NFIA: variants seen among roughly 807,000 people sequenced by gnomAD.
NFIA encodes the protein nuclear factor 1 A-type.
A neutral mutation model predicts 62.8 loss-of-function variants in NFIA; 8 were observed. The ratio of observed to expected loss-of-function variants is 0.13; its 90% CI spans 0.07 to 0.23. The LOEUF (loss-of-function observed/expected upper bound fraction) is 0.23. NFIA is among the 10% of genes least tolerant of loss of function. The probability of loss-of-function intolerance (pLI) is 1.00; values close to 1 mark genes in which losing one functional copy is unlikely to be tolerated. For synonymous variants in NFIA, 235 were observed against 238.1 expected (o/e 0.99, Z 0.12); for missense variants, 410 against 642.1 (o/e 0.64, Z 3.91).
chr1:61,192,179 C>T (rs1332138116), intron 2 of NFIA, among the ~76,000 whole-genome samples: 2 of 152,014 alleles, frequency 1.3e-5, no homozygotes, highest in Admixed American at 6.6e-5. Flanking sequence ...AGGATGGTTT[C>T]GATCTCCTGA....
intron 10 of NFIA, among the ~76,000 whole-genome samples, chr1:61,452,608 TG>T (rs1164642987): frequency 5.9e-5 from 9 of 152,162 alleles, no homozygotes; most frequent in Non-Finnish European, 1.2e-4. Context: ...GTTGACATGT[TG>T]CTGGTCAGAG....
At chr1:61,332,962 A>C (rs1483236894) in intron 4 of NFIA, among the ~76,000 whole-genome samples, 1 of 151,992 alleles carries the variant, frequency 6.6e-6, no homozygotes, top group African/African-American at 2.4e-5. Flanking sequence ...ACAGTGAATG[A>C]AGAGTACCTG....
intron 2 of NFIA, among the ~76,000 whole-genome samples, chr1:61,234,467 C>T (rs1227305800): frequency 6.6e-6 from 1 of 151,512 alleles, no homozygotes; most frequent in Non-Finnish European, 1.5e-5. Flanking sequence ...TGCGGGTATA[C>T]GTCTGCCTCC....
intron 2 of NFIA, among the ~76,000 whole-genome samples, chr1:61,136,590 A>G (rs1053379393): frequency 2.0e-5 from 3 of 152,244 alleles, no homozygotes; most frequent in African/African-American, 7.2e-5. Context: ...ATGAATTTCA[A>G]TATTGATTTA....
intron 2 of NFIA, among the ~76,000 whole-genome samples, chr1:61,229,872 TATGTC>T (rs1416478924): frequency 1.3e-5 from 2 of 152,154 alleles, no homozygotes; most frequent in African/African-American, 4.8e-5. Flanking sequence ...TAAAATTATC[TATGTC>T]ATGTCAACAG....
intron 2 of NFIA, among the ~76,000 whole-genome samples, chr1:61,195,590 T>G (rs1361981537): frequency 6.6e-6 from 1 of 152,204 alleles, no homozygotes; most frequent in East Asian, 1.9e-4. Context: ...TCATCCATTT[T>G]ATCTGCATTT....
At position 61,433,984 on chromosome 1, in the gene NFIA, A is replaced by G. The variant is rs574806467; in HGVS notation, c.1512+7428A>G. Among the ~76,000 whole-genome samples, 4 of 152,278 alleles carry G rather than the reference A, an allele frequency of 2.6e-5. No homozygotes were observed. In the South Asian group the frequency reaches 8.3e-4, roughly 32 times the overall value. On this transcript the variant is annotated intron_variant, in intron 10 of 10. Coordinates refer to ENST00000403491, the MANE Select transcript of NFIA (RefSeq NM_001134673.4). ...CAAATTAGGAAGCCTCCTACTACCC[A>G]CTGCAAAATCCTAACCCTGTAGGTT...
chr1:61,358,703 C>T (rs7553582), intron 5 of NFIA, among the ~76,000 whole-genome samples: 119,735 of 152,076 alleles, frequency 0.79, 47,341 homozygotes, highest in East Asian at 0.95. Context: ...CAAGCTTTTC[C>T]TGAAGGATCA....
intron 10 of NFIA, among the ~76,000 whole-genome samples, chr1:61,433,910 C>T (rs1667216311): frequency 6.6e-6 from 1 of 152,176 alleles, no homozygotes; most frequent in South Asian, 2.1e-4. Context: ...AGCCATTCAG[C>T]ACCTGCTGCT....
chr1:61,258,531 T>G (rs556965122), intron 2 of NFIA, among the ~76,000 whole-genome samples: 3 of 152,328 alleles, frequency 2.0e-5, no homozygotes, highest in African/African-American at 7.2e-5. Flanking sequence ...GTTGTTTTAC[T>G]TCCTCATATG....
chr1:61,431,121 G>A (rs1667082045), intron 10 of NFIA, among the ~76,000 whole-genome samples: 1 of 152,048 alleles, frequency 6.6e-6, no homozygotes, highest in Admixed American at 6.6e-5. Flanking sequence ...GTAATGATAG[G>A]GAACCTGCCA....
intron 2 of NFIA, among the ~76,000 whole-genome samples, chr1:61,186,345 A>C (rs1338733378): frequency 2.0e-5 from 3 of 152,208 alleles, no homozygotes; most frequent in African/African-American, 7.2e-5. Context: ...TGTGAAGATT[A>C]AATGTGATAT....
At chr1:61,404,646 G>T (rs553152787) in intron 8 of NFIA, among the ~76,000 whole-genome samples, 7 of 152,222 alleles carry the variant, frequency 4.6e-5, no homozygotes, top group African/African-American at 1.7e-4. Flanking sequence ...AATGATTTGG[G>T]GTGGTAGAGA....
intron 2 of NFIA, among the ~76,000 whole-genome samples, chr1:61,258,084 C>T (rs1369104889): frequency 1.3e-5 from 2 of 151,904 alleles, no homozygotes; most frequent in African/African-American, 2.4e-5. Context: ...TGCACAATTC[C>T]ACATCACTTT....
rs1668450421 is a variant in NFIA, at chr1:61,459,554, G to A, written c.*4234G>A. 1 of 152,316 alleles carries A rather than the reference G, an allele frequency of 6.6e-6. No individual in the cohort carries two copies. The highest frequency in any genetic ancestry group is 1.5e-5 in the Non-Finnish European group (1 of 68,146). 9.4% of individuals were successfully genotyped at this position (152,316 alleles called of 1,614,324 possible). The stretch of plus-strand genomic sequence containing the variant: ...CCCAGGCCCGTCCCTGCCGCCGCCA[G>A]GTGTGGGCTCTAGGCAGGCCGACAA... On this transcript the variant is annotated 3_prime_UTR_variant, in exon 11 of 11. Coordinates refer to ENST00000403491, the MANE Select transcript of NFIA (RefSeq NM_001134673.4).
At chr1:61,295,225 T>C (rs930268368) in intron 3 of NFIA, among the ~76,000 whole-genome samples, 2 of 152,090 alleles carry the variant, frequency 1.3e-5, no homozygotes, top group African/African-American at 4.8e-5. Flanking sequence ...CTAGTCAAAG[T>C]GTGAGAGAAA....
At chr1:61,302,863 T>C (rs1479246534) in intron 3 of NFIA, among the ~76,000 whole-genome samples, 1 of 152,140 alleles carries the variant, frequency 6.6e-6, no homozygotes, top group African/African-American at 2.4e-5. Context: ...ATCAAATTGC[T>C]GCCTTTTGGG....
chr1:61,295,031 T>A (rs771378836), intron 3 of NFIA, among the ~76,000 whole-genome samples: 2 of 152,056 alleles, frequency 1.3e-5, no homozygotes, highest in Non-Finnish European at 2.9e-5. Context: ...TCGAGCAGGG[T>A]GTGAAATGTT....
At chr1:61,436,538 G>T (rs926817455) in intron 10 of NFIA, among the ~76,000 whole-genome samples, 1 of 152,148 alleles carries the variant, frequency 6.6e-6, no homozygotes, top group African/African-American at 2.4e-5. Flanking sequence ...TGAGTCTAAG[G>T]CCTTGAAAGT....
Sources: allele counts gnomAD v4.1 joint callset (sites outside exome capture counted in the v4.1 genomes callset), GRCh38; gene constraint gnomAD v4.1.1; transcripts MANE v1.5; gene names NCBI Gene and HGNC (gene_info 2026-07-23, HGNC 2026-07-21).